Variants in CYP2C19 observed in about 807,000 individuals in gnomAD.
CYP2C19 encodes cytochrome P450 2C19.
In CYP2C19, 59 loss-of-function variants were observed where a neutral mutation model predicts 40.9. The ratio of observed to expected loss-of-function variants is 1.44; its 90% CI spans 1.17 to 1.79. The LOEUF is 1.79. Among genes scored for constraint, CYP2C19 ranks in the 40% most tolerant of loss-of-function variants. CYP2C19 has a pLI of 0.00. For synonymous variants in CYP2C19, 253 were observed against 208.7 expected (o/e 1.21, Z -1.83); for missense variants, 754 against 596.9 (o/e 1.26, Z -2.74).
chr10:94,841,331 G>A (rs995929868), intron 6 of CYP2C19, among the ~76,000 whole-genome samples: 2 of 152,180 alleles, frequency 1.3e-5, no homozygotes, highest in African/African-American at 4.8e-5. Flanking sequence ...ACTGGATCAG[G>A]AGCACAGCAG....
chr10:94,839,305 T>G (rs1254703213), intron 6 of CYP2C19, among the ~76,000 whole-genome samples: 1 of 151,858 alleles, frequency 6.6e-6, no homozygotes, highest in African/African-American at 2.4e-5. Flanking sequence ...AGAGGTGAGT[T>G]CCTTTCCAGG....
chr10:94,779,355 C>T (rs549634601), intron 3 of CYP2C19, among the ~76,000 whole-genome samples: 1 of 152,116 alleles, frequency 6.6e-6, no homozygotes, highest in East Asian at 1.9e-4. Context: ...CTCCACCAAA[C>T]AAGAAAACCT....
chr10:94,801,908 G>A (rs1332194185), intron 5 of CYP2C19, among the ~76,000 whole-genome samples: 2 of 152,296 alleles, frequency 1.3e-5, no homozygotes, highest in East Asian at 1.9e-4. Flanking sequence ...GAGTGTTAGA[G>A]CTTTTAAAGG....
At chr10:94,828,188 G>A (rs1003281778) in intron 6 of CYP2C19, among the ~76,000 whole-genome samples, 1 of 152,112 alleles carries the variant, frequency 6.6e-6, no homozygotes, top group African/African-American at 2.4e-5. Context: ...TCCGCTTGGT[G>A]CAGACCTGAG....
In CYP2C19 at chr10:94,852,797, T is replaced by G; in HGVS notation, c.1356T>G (p.Ile452Met). The G allele has an allele frequency of 1.2e-6, 2 of 1,614,052 alleles. No homozygotes were observed. Among genetic ancestry groups the G allele is most frequent in the Non-Finnish European group, 1.7e-6 (2 of 1,179,968 alleles). ...AGCTGTTTTTATTCCTGACCTTCAT[T>G]TTACAGAACTTTAACCTGAAATCTC... ...RMELFLFLTF[I>M]LQNFNLKSLI... The change falls in exon 9 of 9, where the codon ATT (isoleucine) becomes ATG (methionine). Residue 452 changes from isoleucine (I) to methionine (M), a missense_variant. Coordinates refer to ENST00000371321, the MANE Select transcript of CYP2C19 (RefSeq NM_000769.4).
intron 5 of CYP2C19, among the ~76,000 whole-genome samples, chr10:94,783,502 A>G (rs1564663851): frequency 6.6e-6 from 1 of 152,062 alleles, no homozygotes; most frequent in African/African-American, 2.4e-5. Context: ...TACCGTGTAA[A>G]CATCACCTCT....
Position 94,830,752 on chromosome 10 carries a change from C to A in CYP2C19, c.961+10115C>A, listed in dbSNP as rs186509706. Among the ~76,000 whole-genome samples, 67 of 151,984 alleles carry A rather than the reference C, an allele frequency of 4.4e-4. No homozygotes were observed. In the East Asian group the frequency reaches 0.012, roughly 28 times the overall value. On this transcript the variant is annotated intron_variant, in intron 6 of 8. Coordinates refer to ENST00000371321, the MANE Select transcript of CYP2C19 (RefSeq NM_000769.4). ...ATGTACATACAGATTTATCTTTTTT[C>A]CTTTTTTATTTTTTATATTTATGGG...
intron 6 of CYP2C19, among the ~76,000 whole-genome samples, chr10:94,828,135 T>A (rs531563274): frequency 6.6e-4 from 100 of 152,286 alleles, no homozygotes; most frequent in Middle Eastern, 6.8e-3. Flanking sequence ...AAAATGTATA[T>A]TCTGTTGATT....
At position 94,817,929 on chromosome 10, in the gene CYP2C19, C is replaced by T. The variant is rs1262828379; in HGVS notation, c.820-2567C>T. On this transcript the variant is annotated intron_variant, in intron 5 of 8. Transcript: ENST00000371321. ...TTGGGAGGCTGAGGCAGGAGAATGG[C>T]GTGAACCCGGGAGGCGGAGCTTGCA... Among the ~76,000 whole-genome samples, 81 of 143,350 alleles carry T rather than the reference C, an allele frequency of 5.7e-4. No homozygotes were observed. The East Asian group carries it at 7.1e-3, about 13-fold the overall frequency. 94.0% of individuals were successfully genotyped at this position (143,350 alleles called of 152,430 possible). A position where few individuals can be genotyped will look rare whatever the true frequency, so the allele number is the denominator to read the frequency against.
chr10:94,844,499 G>C lies in CYP2C19; in HGVS notation c.1149+1475G>C, dbSNP rs113995115. Among the ~76,000 whole-genome samples the C allele has an allele frequency of 3.1e-3, 475 of 152,224 alleles. 3 individuals are homozygous for C. The highest frequency in any genetic ancestry group is 0.011 in the African/African-American group (452 of 41,534). ...ATCACATGGTTTCTGTATTCATCCA[G>C]ACACTCTAGTTGCCATCTCAAACCT... On this transcript the variant is annotated intron_variant, in intron 7 of 8. Coordinates refer to ENST00000371321, the MANE Select transcript of CYP2C19 (RefSeq NM_000769.4).
Position 94,772,338 on chromosome 10 carries a change from G to A in CYP2C19, c.169-2720G>A, listed in dbSNP as rs535792161. ...GTCTTTCTGATTGGTGAGCCCGGGTGCCTAAAGAAGGTAACAGAGTCCTGG... is the reference window on the plus strand; with the variant it reads ...GTCTTTCTGATTGGTGAGCCCGGGTACCTAAAGAAGGTAACAGAGTCCTGG... On this transcript the variant is annotated intron_variant, in intron 1 of 8. Coordinates refer to ENST00000371321, the MANE Select transcript of CYP2C19 (RefSeq NM_000769.4). Among the ~76,000 whole-genome samples the A allele has an allele frequency of 3.3e-5, 5 of 152,226 alleles. No homozygotes were observed. The South Asian group carries it at 1.0e-3, about 32-fold the overall frequency.
chr10:94,844,698 G>C (rs1564684278), intron 7 of CYP2C19, among the ~76,000 whole-genome samples: 1 of 152,162 alleles, frequency 6.6e-6, no homozygotes, highest in African/African-American at 2.4e-5. Context: ...GGCTTACCCT[G>C]AGGTCACTGA....
chr10:94,850,141 C>T (rs1224695978), intron 8 of CYP2C19, 83 bp downstream of exon 8: 3 of 1,455,954 alleles, frequency 2.1e-6, no homozygotes, highest in South Asian at 1.1e-5. Context: ...GCCTTCTCTG[C>T]AGTGGTACAG....
intron 5 of CYP2C19, among the ~76,000 whole-genome samples, chr10:94,796,024 TG>T (rs1848680955): frequency 6.6e-6 from 1 of 152,228 alleles, no homozygotes. Flanking sequence ...TTGTCAATTT[TG>T]GCTTTTGTTG....
At chr10:94,778,219 C>A (rs927575674) in intron 3 of CYP2C19, among the ~76,000 whole-genome samples, 1 of 152,182 alleles carries the variant, frequency 6.6e-6, no homozygotes, top group Non-Finnish European at 1.5e-5. Context: ...AATGGATGAT[C>A]AAAGGTCAGT....
chr10:94,853,728 A>G lies in CYP2C19; in HGVS notation c.*814A>G, dbSNP rs1197121964. ...GCCTGGCTAATTTTTTTGTATTTTTAGTACAGACAGGGTTTCACCATGTTA... is the reference window on the plus strand; with the variant it reads ...GCCTGGCTAATTTTTTTGTATTTTTGGTACAGACAGGGTTTCACCATGTTA... On this transcript the variant is annotated 3_prime_UTR_variant, in exon 9 of 9. Coordinates refer to ENST00000371321, the MANE Select transcript of CYP2C19 (RefSeq NM_000769.4). Among the ~76,000 whole-genome samples the G allele has an allele frequency of 2.0e-5, 3 of 151,558 alleles. No homozygotes were observed. Among genetic ancestry groups the G allele is most frequent in the Non-Finnish European group, 4.4e-5 (3 of 67,894 alleles).
chr10:94,832,646 G>T (rs771268309), intron 6 of CYP2C19, among the ~76,000 whole-genome samples: 1 of 152,146 alleles, frequency 6.6e-6, no homozygotes, highest in African/African-American at 2.4e-5. Context: ...TCAGTACCAT[G>T]CTGTTTTTGT....
intron 5 of CYP2C19, among the ~76,000 whole-genome samples, chr10:94,784,448 T>C (rs904851965): frequency 4.6e-5 from 7 of 152,110 alleles, no homozygotes; most frequent in African/African-American, 1.4e-4. Context: ...ATTTTATGTT[T>C]ATCTTCTTGT....
chr10:94,798,136 A>G (rs1186003354), intron 5 of CYP2C19, among the ~76,000 whole-genome samples: 2 of 152,070 alleles, frequency 1.3e-5, no homozygotes, highest in African/African-American at 4.8e-5. Context: ...TTAGTGCTAT[A>G]AATTTCCGTC....
Sources: allele counts gnomAD v4.1 joint callset (sites outside exome capture counted in the v4.1 genomes callset), GRCh38; gene constraint gnomAD v4.1.1; transcripts MANE v1.5; gene names NCBI Gene and HGNC (gene_info 2026-07-23, HGNC 2026-07-21).